Variants in FYN observed in about 807,000 individuals in gnomAD.
FYN encodes the protein tyrosine-protein kinase Fyn.
In FYN, 10 loss-of-function variants were observed where a neutral mutation model predicts 70.2. The observed-to-expected ratio is 0.14, with a 90% CI of 0.09 to 0.24. The LOEUF (loss-of-function observed/expected upper bound fraction) is 0.24. Among genes scored for constraint, FYN ranks in the 10% least tolerant of loss-of-function variants. The probability of loss-of-function intolerance (pLI) is 1.00; values close to 1 mark genes in which losing one functional copy is unlikely to be tolerated. For synonymous variants in FYN, 236 were observed against 248.6 expected, an observed-to-expected ratio of 0.95 and a Z score of 0.48; for missense variants, 319 against 673.1, an observed-to-expected ratio of 0.47 and a Z score of 5.82.
At chr6:111,690,638 C>G (rs1010968956) in intron 12 of FYN, among the ~76,000 whole-genome samples, 2 of 152,204 alleles carry the variant, frequency 1.3e-5, no homozygotes, top group Non-Finnish European at 2.9e-5. Context: ...GATATACCAA[C>G]AGTAACAAGC....
In FYN at chr6:111,707,906, A is replaced by C; in HGVS notation, c.443+16T>G. On this transcript the variant is annotated intron_variant, in intron 6 of 13. Transcript: ENST00000354650. Reference sequence around the variant, plus strand: ...TTTAAAATCAAGTAGTTAAGTGAAAACAAAATGAAACATACTCTTCTGCCT... The same window carrying C: ...TTTAAAATCAAGTAGTTAAGTGAAACCAAAATGAAACATACTCTTCTGCCT... 1 of 1,597,642 alleles carries C rather than the reference A, an allele frequency of 6.3e-7. No individual in the cohort carries two copies. Among genetic ancestry groups the C allele is most frequent in the Non-Finnish European group, 8.6e-7 (1 of 1,165,226 alleles).
Position 111,694,036 on chromosome 6 carries a change from G to C in FYN, c.1273+339C>G, listed in dbSNP as rs1414707406. Among the ~76,000 whole-genome samples the C allele has an allele frequency of 6.6e-6, 1 of 152,166 alleles. No individual in the cohort carries two copies. Among genetic ancestry groups the C allele is most frequent in the African/African-American group, 2.4e-5 (1 of 41,426 alleles). ...GCCTTTGTAAAAAACACAGGCATGT[G>C]AGAATGTGAGAATAAATGTGGTCTC... On this transcript the variant is annotated intron_variant, in intron 12 of 13. Coordinates refer to ENST00000354650, the MANE Select transcript of FYN (RefSeq NM_002037.5). The surrounding 1 kb of genome is among the most constrained non-coding windows in gnomAD (Gnocchi z 5.0).
chr6:111,686,708 C>G (rs754434365), intron 12 of FYN, among the ~76,000 whole-genome samples: 1 of 151,924 alleles, frequency 6.6e-6, no homozygotes, highest in Admixed American at 6.5e-5. Flanking sequence ...GCACACTGTG[C>G]GGGAATGGCA....
intron 4 of FYN, among the ~76,000 whole-genome samples, chr6:111,715,145 C>G (rs1161463189): frequency 6.6e-6 from 1 of 152,264 alleles, no homozygotes; most frequent in Admixed American, 6.5e-5. Context: ...ATCTGGCTCT[C>G]TAGAGAGGCC....
In FYN at chr6:111,661,867, G is replaced by A; in HGVS notation, c.1486C>T (p.His496Tyr). ...PCPQDCPISL[H>Y]ELMIHCWKKD... The stretch of plus-strand genomic sequence containing the variant: ...TTCCAGCAGTGGATCATGAGCTCAT[G>A]CAGAGAGATGGGGCAGTCCTGCGGG... The change falls in exon 14 of 14, where the codon CAT (histidine) becomes TAT (tyrosine). Residue 496 changes from histidine (H) to tyrosine (Y), a missense_variant. Coordinates refer to ENST00000354650, the MANE Select transcript of FYN (RefSeq NM_002037.5). This position sits in a 1 kb window ranked among gnomAD's most constrained non-coding sequence, Gnocchi z 4.0. 1 of 1,614,224 alleles carries A rather than the reference G, an allele frequency of 6.2e-7. No homozygotes were observed. Among genetic ancestry groups the A allele is most frequent in the Non-Finnish European group, 8.5e-7 (1 of 1,180,040 alleles).
intron 3 of FYN, among the ~76,000 whole-genome samples, chr6:111,745,219 C>T (rs1319798878): frequency 6.6e-6 from 1 of 152,156 alleles, no homozygotes; most frequent in African/African-American, 2.4e-5. Flanking sequence ...AAAATACAGA[C>T]GCGAATGCCA....
At chr6:111,809,935 C>T (rs1772271468) in intron 2 of FYN, among the ~76,000 whole-genome samples, 1 of 152,160 alleles carries the variant, frequency 6.6e-6, no homozygotes, top group South Asian at 2.1e-4. Context: ...ATACTAAGTA[C>T]ACCTCATGAA....
At chr6:111,806,106 GGTGCCC>G (rs1266071279) in intron 2 of FYN, among the ~76,000 whole-genome samples, 1 of 152,156 alleles carries the variant, frequency 6.6e-6, no homozygotes, top group African/African-American at 2.4e-5. Flanking sequence ...CAGTTCCTAG[GGTGCCC>G]CAGCACTAGC....
chr6:111,802,573 A>G (rs930912250), intron 2 of FYN, among the ~76,000 whole-genome samples: 4 of 152,044 alleles, frequency 2.6e-5, no homozygotes, highest in Non-Finnish European at 4.4e-5. Context: ...CTGGGACTAC[A>G]GGTGCCTGCT....
chr6:111,689,779 G>T (rs1405519096), intron 12 of FYN, among the ~76,000 whole-genome samples: 3 of 152,170 alleles, frequency 2.0e-5, no homozygotes, highest in Admixed American at 2.0e-4. Context: ...GGTGGTTACT[G>T]ACTGGGAGTG....
intron 3 of FYN, among the ~76,000 whole-genome samples, chr6:111,734,861 T>G (rs773286226): frequency 1.1e-4 from 17 of 152,240 alleles, no homozygotes; most frequent in Non-Finnish European, 2.2e-4. Flanking sequence ...TGATCCCCTT[T>G]ATGTGACAGG....
At chr6:111,850,281 C>A (rs1166938827) in intron 1 of FYN, among the ~76,000 whole-genome samples, 1 of 152,186 alleles carries the variant, frequency 6.6e-6, no homozygotes, top group Non-Finnish European at 1.5e-5. Flanking sequence ...TTTTCCCTTG[C>A]CATGGTGTCT....
chr6:111,851,035 C>G (rs1479501339), intron 1 of FYN, among the ~76,000 whole-genome samples: 6 of 152,256 alleles, frequency 3.9e-5, no homozygotes, highest in Non-Finnish European at 8.8e-5. Context: ...GCAACTTCTT[C>G]TCCTGTCTTA....
intron 2 of FYN, among the ~76,000 whole-genome samples, chr6:111,832,640 G>C (rs190589179): frequency 6.6e-6 from 1 of 152,044 alleles, no homozygotes; most frequent in East Asian, 1.9e-4. Flanking sequence ...CAATTTAATA[G>C]ATGTATCACA....
At chr6:111,783,738 C>T (rs771716497) in intron 2 of FYN, among the ~76,000 whole-genome samples, 4 of 152,180 alleles carry the variant, frequency 2.6e-5, no homozygotes, top group African/African-American at 4.8e-5. Flanking sequence ...CAAAAGAGCC[C>T]CCATATTTCT....
chr6:111,705,965 G>T (rs1261576487), intron 6 of FYN, among the ~76,000 whole-genome samples: 2 of 152,128 alleles, frequency 1.3e-5, no homozygotes, highest in African/African-American at 2.4e-5. Flanking sequence ...TCTTTTCTTT[G>T]GCACAACTGT....
intron 7 of FYN, among the ~76,000 whole-genome samples, chr6:111,703,287 C>T (rs1406882): frequency 0.023 from 3,517 of 152,198 alleles, 144 homozygotes; most frequent in African/African-American, 0.077. Flanking sequence ...ACACACTGTT[C>T]GGTACCCCTT....
chr6:111,769,636 C>T (rs182602228), intron 3 of FYN, among the ~76,000 whole-genome samples: 1 of 152,158 alleles, frequency 6.6e-6, no homozygotes, highest in East Asian at 1.9e-4. Flanking sequence ...AGACACAAGG[C>T]CTGCTTGTTC....
At chr6:111,830,377 T>G (rs1476343340) in intron 2 of FYN, among the ~76,000 whole-genome samples, 1 of 152,092 alleles carries the variant, frequency 6.6e-6, no homozygotes, top group Non-Finnish European at 1.5e-5. Context: ...ATTGGCAATT[T>G]AAAATTTGCT....
Sources: allele counts gnomAD v4.1 joint callset (sites outside exome capture counted in the v4.1 genomes callset), GRCh38; gene constraint gnomAD v4.1.1; non-coding constraint Gnocchi (gnomAD v3.1); transcripts MANE v1.5; gene names NCBI Gene and HGNC (gene_info 2026-07-23, HGNC 2026-07-21).